C5: variants seen among roughly 807,000 people sequenced by gnomAD.
The protein encoded by C5 is C3 and PZP-like alpha-2-macroglobulin domain-containing protein 4.
Under a neutral mutation model 218.8 loss-of-function variants are expected in C5, and 140 were observed. The observed-to-expected ratio is 0.64, with a 90% CI of 0.56 to 0.74. The LOEUF (loss-of-function observed/expected upper bound fraction) is 0.74, where lower values mean the gene tolerates loss of function less well. Ranked by LOEUF, C5 falls within the 30% of genes least tolerant of loss-of-function variation. C5 has a pLI of 0.00. For missense variants in C5, 1,700 were observed against 1,969.6 expected (o/e 0.86, Z 2.59); for synonymous variants, 614 against 682.3 (o/e 0.90, Z 1.56).
chr9:121,070,409 ATATATAT>A, the C5 span, among the ~76,000 whole-genome samples: 2 of 137,048 alleles, frequency 1.5e-5, no homozygotes, highest in African/African-American at 5.7e-5. Context: ...ATATATATAT[ATATATAT>A]ATATATATAT....
At chr9:120,960,907 A>C (rs1336208627) in intron 37 of C5, among the ~76,000 whole-genome samples, 1 of 152,208 alleles carries the variant, frequency 6.6e-6, no homozygotes, top group Non-Finnish European at 1.5e-5. Flanking sequence ...GAAGGACCCA[A>C]AATGATAATG....
chr9:121,031,226 A>G (rs2047471441), intron 6 of C5, among the ~76,000 whole-genome samples: 1 of 149,544 alleles, frequency 6.7e-6, no homozygotes, highest in South Asian at 2.2e-4. Context: ...CTAGTAAACT[A>G]CTATAAGAAA....
At chr9:120,974,484 C>A (rs1261893975) in intron 30 of C5, among the ~76,000 whole-genome samples, 1 of 152,218 alleles carries the variant, frequency 6.6e-6, no homozygotes, top group East Asian at 1.9e-4. Context: ...CTGACAAACT[C>A]CCTCCATCTT....
chr9:121,023,316 A>C lies in C5; in HGVS notation c.1116+88T>G, dbSNP rs1008624949. ...GCTCCCTCTGTGACTTCATGGCAAC[A>C]TTCTTACCCTGTTTGCCACCCACAT... On this transcript the variant is annotated intron_variant, in intron 10 of 40. Transcript: ENST00000223642. 5.6e-5 allele frequency: 49 copies of C among 869,450 alleles called. No homozygotes were observed. The Middle Eastern group carries it at 1.5e-3, about 27-fold the overall frequency. The allele number at this position is 869,450 out of a possible 1,614,324, so 53.9% of individuals were successfully genotyped here.
Position 121,027,212 on chromosome 9 carries a change from T to G in C5, c.821A>C (p.Asp274Ala). 1 of 1,603,866 alleles carries G rather than the reference T, an allele frequency of 6.2e-7. No individual in the cohort carries two copies. Among genetic ancestry groups the G allele is most frequent in the Non-Finnish European group, 8.5e-7 (1 of 1,172,174 alleles). The change falls in exon 8 of 41, where the codon GAC becomes GCC. Residue 274 changes from aspartate (D) to alanine (A), a missense_variant. Coordinates refer to ENST00000223642, the MANE Select transcript of C5 (RefSeq NM_001735.3). ...CATTTCTTTTTGATCATCTTTTAAGTCTTCTCTTATTCCAAATGTGATATA... is the reference window on the plus strand; with the variant it reads ...CATTTCTTTTTGATCATCTTTTAAGGCTTCTCTTATTCCAAATGTGATATA... The part of the protein sequence containing the change: ...DVYITFGIRE[D>A]LKDDQKEMMQ...
chr9:120,976,106 T>A (rs917380450), intron 29 of C5, among the ~76,000 whole-genome samples: 3 of 152,182 alleles, frequency 2.0e-5, no homozygotes, highest in African/African-American at 7.2e-5. Flanking sequence ...CTAAATTACA[T>A]ATATATAAAT....
At chr9:121,073,674 C>T in the C5 span, among the ~76,000 whole-genome samples, 9 of 151,946 alleles carry the variant, frequency 5.9e-5, no homozygotes, top group Non-Finnish European at 1.2e-4. Context: ...CCACCACGCC[C>T]GGGTAATTTT....
chr9:121,035,729 C>T (rs2047518773), intron 4 of C5, among the ~76,000 whole-genome samples: 1 of 151,408 alleles, frequency 6.6e-6, no homozygotes. Context: ...GCCACCATGC[C>T]CAGCTATTTT....
the C5 span, among the ~76,000 whole-genome samples, chr9:121,064,732 G>C: frequency 6.6e-6 from 1 of 152,110 alleles, no homozygotes; most frequent in Non-Finnish European, 1.5e-5. Flanking sequence ...AACATATAGA[G>C]TTAAACTTAA....
In C5 at chr9:121,008,495, A is replaced by T; in HGVS notation, c.2261T>A (p.Met754Lys). The part of the protein sequence containing the change: ...HKDMQLGRLH[M>K]KTLLPVSKPE... ...CTTGCTTACTGGTAACAGGGTCTTCATGTCTGGACAAAAAAATCATATTCA... is the reference window on the plus strand; with the variant it reads ...CTTGCTTACTGGTAACAGGGTCTTCTTGTCTGGACAAAAAAATCATATTCA... The change falls in exon 18 of 41, where the codon ATG (methionine) becomes AAG (lysine). Residue 754 changes from methionine to lysine, a missense_variant. Coordinates refer to ENST00000223642, the MANE Select transcript of C5 (RefSeq NM_001735.3). The T allele has an allele frequency of 6.2e-7, 1 of 1,608,936 alleles. No individual in the cohort carries two copies. The highest frequency in any genetic ancestry group is 8.5e-7 in the Non-Finnish European group (1 of 1,175,348).
chr9:121,002,316 G>GTGTGTGTGTGTGTGTGTA (rs572345213), intron 20 of C5, among the ~76,000 whole-genome samples: 2 of 87,406 alleles, frequency 2.3e-5, no homozygotes, highest in Non-Finnish European at 4.4e-5. Context: ...ATATGTGTGT[G>GTGTGTGTGTGTGTGTGTA]TATATATATA....
intron 4 of C5, among the ~76,000 whole-genome samples, chr9:121,036,286 A>T (rs1326142904): frequency 1.3e-5 from 2 of 152,144 alleles, no homozygotes; most frequent in Non-Finnish European, 2.9e-5. Context: ...TTTCTCAGGT[A>T]CTATTTTGAG....
intron 20 of C5, among the ~76,000 whole-genome samples, chr9:121,002,306 A>ATG (rs1429402871): frequency 1.9e-4 from 16 of 82,306 alleles, no homozygotes; most frequent in Non-Finnish European, 2.2e-4. Context: ...ATGTATATAT[A>ATG]TATGTGTGTG....
intron 36 of C5, 70 bp from the exon 37 acceptor site, chr9:120,961,635 T>G: frequency 1.1e-6 from 1 of 945,604 alleles, no homozygotes; most frequent in Non-Finnish European, 1.7e-6. Context: ...AATTGGCAAG[T>G]GTCTTACATG....
intron 25 of C5, among the ~76,000 whole-genome samples, chr9:120,983,565 A>AT (rs1369215113): frequency 2.6e-5 from 4 of 152,084 alleles, no homozygotes; most frequent in Non-Finnish European, 5.9e-5. Context: ...TATTTTAAGC[A>AT]TTTTTTTAAA....
intron 16 of C5, among the ~76,000 whole-genome samples, chr9:121,014,704 G>A (rs2047291604): frequency 6.6e-6 from 1 of 152,100 alleles, no homozygotes; most frequent in African/African-American, 2.4e-5. Context: ...CTCCCAGTTT[G>A]ATATTCTTTC....
In C5 at chr9:121,032,159, C is replaced by G; in HGVS notation, c.621G>C (p.Glu207Asp). 1.9e-6 allele frequency: 3 copies of G among 1,608,090 alleles called. No homozygotes were observed. Among genetic ancestry groups the G allele is most frequent in the Non-Finnish European group, 2.6e-6 (3 of 1,174,690 alleles). ...ATGCGGTTCCAGTTGTTGAAAAGTC[C>G]TCTTTATATTTAGCCTTGATCGTCC... ...GMWTIKAKYK[E>D]DFSTTGTAYF... Residue 207 changes from glutamate to aspartate, a missense_variant, in exon 6 of 41, where the codon GAG (glutamate) becomes GAC (aspartate). Physicochemically the swap from Glu to Asp is conservative, Grantham distance 45. Coordinates refer to ENST00000223642, the MANE Select transcript of C5 (RefSeq NM_001735.3).
At chr9:121,052,104 T>C (rs932907866), upstream of C5, among the ~76,000 whole-genome samples, 6 of 152,168 alleles carry the variant, frequency 3.9e-5, no homozygotes, top group Non-Finnish European at 8.8e-5. Flanking sequence ...TAACAATTTA[T>C]AGATTCTAAG....
At chr9:121,013,076 T>C (rs1006888038) in intron 17 of C5, among the ~76,000 whole-genome samples, 2 of 152,158 alleles carry the variant, frequency 1.3e-5, no homozygotes, top group African/African-American at 2.4e-5. Context: ...TCTCAGCACT[T>C]TGGGAGGCCG....
Sources: gnomAD v4.1 joint callset for allele counts (sites outside exome capture counted in the v4.1 genomes callset) on GRCh38, gnomAD v4.1.1 for gene constraint, MANE v1.5 for transcripts, NCBI Gene and HGNC (gene_info 2026-07-23, HGNC 2026-07-21) for gene names.